The following PHAX variants were observed in gnomAD, a reference collection of about 807,000 sequenced individuals.
The protein encoded by PHAX is phosphorylated adaptor for RNA export.
A neutral mutation model predicts 41.6 loss-of-function variants in PHAX; 31 were observed. That is an observed-to-expected ratio of 0.75 (90% CI 0.56 to 1.01). The LOEUF is 1.01. Among genes scored for constraint, PHAX ranks in the 50% least tolerant of loss-of-function variants. The pLI, the probability that PHAX is intolerant of heterozygous loss-of-function variation, is 0.00. For synonymous variants in PHAX, 175 were observed against 164.9 expected, an observed-to-expected ratio of 1.06 and a Z score of -0.47; for missense variants, 453 against 472.9, an observed-to-expected ratio of 0.96 and a Z score of 0.39.
chr5:126,603,440 T>G, intron 1 of PHAX, 130 bp from the exon 2 acceptor site: 1 of 975,172 alleles, frequency 1.0e-6, no homozygotes, highest in Non-Finnish European at 1.5e-6. Flanking sequence ...GGAACTTGAT[T>G]GGTCTCAGAT....
chr5:126,601,643 C>T (rs1159240421), intron 1 of PHAX, among the ~76,000 whole-genome samples: 1 of 152,142 alleles, frequency 6.6e-6, no homozygotes, highest in African/African-American at 2.4e-5. Context: ...GGTACCATGG[C>T]ACTAGGCTTT....
At chr5:126,617,362 G>T (rs371131850) in intron 4 of PHAX, 29 bp downstream of exon 4, 9 of 1,375,834 alleles carry the variant, frequency 6.5e-6, no homozygotes, top group Non-Finnish European at 9.2e-6. Flanking sequence ...CCTCTTAAGC[G>T]CCATCATAAT....
At chr5:126,621,189 A>AGTTTT (rs1419373543) in intron 4 of PHAX, among the ~76,000 whole-genome samples, 2 of 146,858 alleles carry the variant, frequency 1.4e-5, no homozygotes, top group Non-Finnish European at 3.0e-5. Flanking sequence ...TGTACCTGGC[A>AGTTTT]GTTTTGTTTT....
rs71573966 is a variant in PHAX at position 126,626,735 on chromosome 5, CA to C, written c.*1908del. The C allele has an allele frequency of 0.023, 1,761 of 77,786 alleles. 63 individuals are homozygous for C. Among genetic ancestry groups the C allele is most frequent in the African/African-American group, 0.066 (1,340 of 20,268 alleles). 4.8% of individuals were successfully genotyped at this position (77,786 alleles called of 1,614,324 possible). ...CTGGCGACAGAGCGAGACTCCCTCT[CA>C]AAAAAAAAAAAAAAAATACAAAAAA... On this transcript the variant is annotated 3_prime_UTR_variant, in exon 5 of 5. Transcript: ENST00000297540.
At position 126,604,274 on chromosome 5, in the gene PHAX, C is replaced by CTTTTTTTTTT. The variant is rs57270218; in HGVS notation, c.710+101_710+110dup. On this transcript the variant is annotated intron_variant, in intron 2 of 4. Coordinates refer to ENST00000297540, the MANE Select transcript of PHAX (RefSeq NM_032177.4). ...TGCCAAATACTTTAATGATATGTTC[C>CTTTTTTTTTT]TTTTTTTTTTTTTTTTTTTGGAGAC... 748 of 645,298 alleles carry CTTTTTTTTTT rather than the reference C, an allele frequency of 1.2e-3. 7 individuals are homozygous for CTTTTTTTTTT. Among genetic ancestry groups the CTTTTTTTTTT allele is most frequent in the South Asian group, 3.5e-3 (92 of 26,108 alleles). 40.0% of individuals were successfully genotyped at this position (645,298 alleles called of 1,614,324 possible). A position where few individuals can be genotyped will look rare whatever the true frequency, so the allele number is the denominator to read the frequency against.
At chr5:126,617,947 C>T (rs544953832) in intron 4 of PHAX, among the ~76,000 whole-genome samples, 17 of 152,046 alleles carry the variant, frequency 1.1e-4, no homozygotes, top group Admixed American at 5.2e-4. Context: ...CTATTTCTTT[C>T]TTTCTTTTTT....
intron 2 of PHAX, among the ~76,000 whole-genome samples, chr5:126,607,140 G>A (rs1752002369): frequency 6.6e-6 from 1 of 152,148 alleles, no homozygotes; most frequent in Non-Finnish European, 1.5e-5. Context: ...CAGGTGGTAG[G>A]AAAACAAGTA....
In PHAX at chr5:126,600,973, A is replaced by C. The variant is rs758156878; in HGVS notation, c.11A>C (p.Glu4Ala). The stretch of plus-strand genomic sequence containing the variant: ...GCGCACCGCGGGAAGATGGCGTTGG[A>C]GGTCGGCGATATGGAAGATGGGCAG... The part of the protein sequence containing the change: MAL[E>A]VGDMEDGQLS... Residue 4 changes from glutamate to alanine, a missense_variant, in exon 1 of 5, where the codon GAG (glutamate) becomes GCG (alanine). Coordinates refer to ENST00000297540, the MANE Select transcript of PHAX (RefSeq NM_032177.4). The C allele has an allele frequency of 1.1e-5, 17 of 1,604,078 alleles. No individual in the cohort carries two copies. Among genetic ancestry groups the C allele is most frequent in the Non-Finnish European group, 1.4e-5 (17 of 1,175,430 alleles).
At chr5:126,601,526 C>T (rs567358094) in intron 1 of PHAX, among the ~76,000 whole-genome samples, 8 of 152,330 alleles carry the variant, frequency 5.3e-5, no homozygotes, top group African/African-American at 1.9e-4. Context: ...GCCTGTGATG[C>T]TCATTTTCTC....
At chr5:126,612,408 G>C (rs1002003213) in intron 3 of PHAX, among the ~76,000 whole-genome samples, 57 of 152,078 alleles carry the variant, frequency 3.7e-4, no homozygotes, top group African/African-American at 1.3e-3. Context: ...GATAAGAAAT[G>C]CATTTCCTAG....
At chr5:126,604,467 G>A (rs1218554040) in intron 2 of PHAX, among the ~76,000 whole-genome samples, 3 of 151,970 alleles carry the variant, frequency 2.0e-5, no homozygotes, top group Non-Finnish European at 4.4e-5. Context: ...GTCTTGCCAT[G>A]TTGTCCAAGC....
intron 3 of PHAX, among the ~76,000 whole-genome samples, chr5:126,611,829 A>C (rs1230820505): frequency 6.6e-6 from 1 of 151,966 alleles, no homozygotes; most frequent in Non-Finnish European, 1.5e-5. Flanking sequence ...TGGGAAAAGA[A>C]AGAAATCAGA....
At position 126,604,039 on chromosome 5, in the gene PHAX, A is replaced by C; in HGVS notation, c.566A>C (p.Glu189Ala). ...MHGGKKMGSK[E>A]EENGQGHLKR... The stretch of plus-strand genomic sequence containing the variant: ...GGTGGCAAAAAAATGGGATCAAAGG[A>C]AGAGGAAAATGGGCAAGGTCATCTC... Residue 189 changes from glutamate (E) to alanine (A), a missense_variant, in exon 2 of 5, where the codon GAA becomes GCA. Transcript: ENST00000297540. 6.2e-7 allele frequency: 1 copy of C among 1,614,034 alleles called. No individual in the cohort carries two copies. The highest frequency in any genetic ancestry group is 8.5e-7 in the Non-Finnish European group (1 of 1,180,000).
intron 1 of PHAX, among the ~76,000 whole-genome samples, chr5:126,602,958 T>A (rs1260040687): frequency 6.8e-6 from 1 of 147,568 alleles, no homozygotes; most frequent in Non-Finnish European, 1.5e-5. Flanking sequence ...TGAGCCGAGA[T>A]CGCGCCACTG....
chr5:126,619,526 A>C (rs1224407300), intron 4 of PHAX, among the ~76,000 whole-genome samples: 1 of 150,598 alleles, frequency 6.6e-6, no homozygotes. Flanking sequence ...CAGTAAGCCG[A>C]GATCACACCA....
chr5:126,605,032 T>C (rs1751968040), intron 2 of PHAX, among the ~76,000 whole-genome samples: 1 of 150,564 alleles, frequency 6.6e-6, no homozygotes, highest in Admixed American at 6.6e-5. Context: ...AGACTCCATC[T>C]CAGAAAAAAA....
At chr5:126,622,368 G>C (rs571867816) in intron 4 of PHAX, among the ~76,000 whole-genome samples, 1 of 150,220 alleles carries the variant, frequency 6.7e-6, no homozygotes. Context: ...TCCTGACCTC[G>C]TGATCCGCCC....
intron 4 of PHAX, 87 bp downstream of exon 4, chr5:126,617,420 C>A: frequency 1.5e-6 from 1 of 674,862 alleles, no homozygotes; most frequent in Non-Finnish European, 2.6e-6. Context: ...ATATGCATTA[C>A]CTGTTCTGCC....
chr5:126,622,841 T>C (rs4571467), intron 4 of PHAX, among the ~76,000 whole-genome samples: 40,993 of 151,714 alleles, frequency 0.27, 7,033 homozygotes, highest in African/African-American at 0.47. Flanking sequence ...TTTAAGAACA[T>C]TGGGCCGGGC....
Sources: allele counts gnomAD v4.1 joint callset (sites outside exome capture counted in the v4.1 genomes callset), GRCh38; gene constraint gnomAD v4.1.1; transcripts MANE v1.5; gene names NCBI Gene and HGNC (gene_info 2026-07-23, HGNC 2026-07-21).